KALRN: variants seen among roughly 807,000 people sequenced by gnomAD.
KALRN encodes kalirin RhoGEF kinase, also known as kalirin.
Under a neutral mutation model 353.7 loss-of-function variants are expected in KALRN, and 70 were observed. That is an observed-to-expected ratio of 0.20 (90% CI 0.16 to 0.24). The LOEUF (loss-of-function observed/expected upper bound fraction) is 0.24. Among genes scored for constraint, KALRN ranks in the 10% least tolerant of loss-of-function variants. The probability of loss-of-function intolerance (pLI) is 1.00; values close to 1 mark genes in which losing one functional copy is unlikely to be tolerated. For missense variants in KALRN, 2,791 were observed against 3,756.7 expected (o/e 0.74, Z 6.72); for synonymous variants, 1,391 against 1,434.8 (o/e 0.97, Z 0.69).
chr3:124,717,392 A>C lies in KALRN; in HGVS notation c.8415+7A>C. 1 of 1,587,280 alleles carries C rather than the reference A, an allele frequency of 6.3e-7. No individual in the cohort carries two copies. Among genetic ancestry groups the C allele is most frequent in the Non-Finnish European group, 8.6e-7 (1 of 1,166,370 alleles). On this transcript the variant is annotated splice_region_variant and intron_variant, in intron 59 of 59. Coordinates refer to ENST00000682506, the MANE Select transcript of KALRN (RefSeq NM_001388419.1). Reference sequence around the variant, plus strand: ...TGCACATTTGGACATAAAGGTAATAAGAAGTGGCAACCTGCTGGGCGCAGT... The same window carrying C: ...TGCACATTTGGACATAAAGGTAATACGAAGTGGCAACCTGCTGGGCGCAGT...
At chr3:124,246,153 C>A (rs1013284615) in intron 3 of KALRN, among the ~76,000 whole-genome samples, 2 of 152,202 alleles carry the variant, frequency 1.3e-5, no homozygotes, top group African/African-American at 4.8e-5. Flanking sequence ...TTTTGAGAAA[C>A]CTCCGTACTG....
chr3:124,446,979 A>C, intron 21 of KALRN, 94 bp downstream of exon 21: 1 of 1,446,198 alleles, frequency 6.9e-7, no homozygotes, highest in Admixed American at 2.0e-5. Context: ...TTCTGTAAGC[A>C]AAAATACCTG....
At position 124,699,864 on chromosome 3, in the gene KALRN, A is replaced by T; in HGVS notation, c.7832-5A>T. The T allele has an allele frequency of 1.2e-6, 2 of 1,614,012 alleles. No homozygotes were observed. Among genetic ancestry groups the T allele is most frequent in the Non-Finnish European group, 1.7e-6 (2 of 1,179,950 alleles). On this transcript the variant is annotated splice_region_variant and splice_polypyrimidine_tract_variant and intron_variant, in intron 55 of 59. Transcript: ENST00000682506. ...CTTTCCCTCTCCTGGGAAACTGTAC[A>T]CTAGGTTCTCAGATCTGGCAGCAGT... is the stretch of plus-strand genomic sequence containing the variant.
intron 4 of KALRN, among the ~76,000 whole-genome samples, chr3:124,268,207 G>A (rs1381303748): frequency 6.6e-6 from 1 of 152,172 alleles, no homozygotes; most frequent in East Asian, 1.9e-4. Flanking sequence ...AGACTCCCCT[G>A]TTGCCCATCC....
chr3:124,608,020 T>C (rs2077535435), intron 34 of KALRN, among the ~76,000 whole-genome samples: 1 of 151,756 alleles, frequency 6.6e-6, no homozygotes, highest in Non-Finnish European at 1.5e-5. Flanking sequence ...ATTTTTTTTT[T>C]TTTTTTAGGA....
At chr3:124,571,066 AT>A (rs1436339945) in intron 34 of KALRN, among the ~76,000 whole-genome samples, 3 of 152,066 alleles carry the variant, frequency 2.0e-5, no homozygotes, top group Non-Finnish European at 2.9e-5. Flanking sequence ...GTCTCCTTCT[AT>A]TCTCCCCCGT....
chr3:124,057,438 A>G (rs1389766080), intron 1 of KALRN, among the ~76,000 whole-genome samples: 1 of 152,214 alleles, frequency 6.6e-6, no homozygotes, highest in Non-Finnish European at 1.5e-5. Context: ...GATAAAGGCC[A>G]AGAAGATAAA....
intron 27 of KALRN, among the ~76,000 whole-genome samples, chr3:124,482,273 T>C (rs959419593): frequency 1.3e-5 from 2 of 152,234 alleles, no homozygotes; most frequent in Non-Finnish European, 2.9e-5. Context: ...AATAAAGTGA[T>C]GACCCTAAGT....
chr3:124,246,946 T>C (rs77859770), intron 3 of KALRN, among the ~76,000 whole-genome samples: 1,748 of 152,328 alleles, frequency 0.011, 34 homozygotes, highest in African/African-American at 0.04. Flanking sequence ...TTTTCAGTTA[T>C]GGGGATCCAG....
chr3:124,307,793 A>T (rs1483903523), intron 6 of KALRN, among the ~76,000 whole-genome samples: 1 of 152,020 alleles, frequency 6.6e-6, no homozygotes, highest in Non-Finnish European at 1.5e-5. Flanking sequence ...ATGTGAAAGG[A>T]TTCAATAATC....
At chr3:124,036,047 CTTTTTA>C (rs1046309832) in intron 1 of KALRN, among the ~76,000 whole-genome samples, 1 of 152,134 alleles carries the variant, frequency 6.6e-6, no homozygotes, top group African/African-American at 2.4e-5. Context: ...TCTTCTTCTT[CTTTTTA>C]TTTTTATTTT....
At chr3:124,461,021 G>A (rs537668070) in intron 23 of KALRN, among the ~76,000 whole-genome samples, 39 of 152,218 alleles carry the variant, frequency 2.6e-4, no homozygotes, top group African/African-American at 9.4e-4. Context: ...AAGTCCCATT[G>A]GAAATAGTAC....
At chr3:124,324,975 G>A (rs753143923) in intron 6 of KALRN, among the ~76,000 whole-genome samples, 2 of 152,160 alleles carry the variant, frequency 1.3e-5, no homozygotes, top group Admixed American at 6.5e-5. Context: ...AGCTCCCTGT[G>A]GATGCCACAA....
At chr3:124,116,226 G>A (rs558029267) in intron 1 of KALRN, among the ~76,000 whole-genome samples, 1 of 152,276 alleles carries the variant, frequency 6.6e-6, no homozygotes, top group South Asian at 2.1e-4. Context: ...CATTTTATTA[G>A]TCATGCAAGG....
intron 37 of KALRN, among the ~76,000 whole-genome samples, chr3:124,638,079 C>G (rs999229074): frequency 3.3e-5 from 5 of 152,204 alleles, no homozygotes; most frequent in African/African-American, 1.2e-4. Context: ...CTTTCACTCT[C>G]ATCCATATCA....
At chr3:124,716,038 G>A (rs1044273931) in intron 58 of KALRN, among the ~76,000 whole-genome samples, 3 of 151,898 alleles carry the variant, frequency 2.0e-5, no homozygotes, top group African/African-American at 7.3e-5. Flanking sequence ...TTTTGTTGCT[G>A]TTCTTATTCC....
At chr3:124,623,136 C>A (rs1308692193) in intron 34 of KALRN, among the ~76,000 whole-genome samples, 1 of 147,534 alleles carries the variant, frequency 6.8e-6, no homozygotes. Flanking sequence ...TTGTCTCTTT[C>A]TTTCTTTCCT....
intron 1 of KALRN, among the ~76,000 whole-genome samples, chr3:124,098,517 T>A (rs1398111223): frequency 2.0e-5 from 3 of 152,232 alleles, no homozygotes; most frequent in Non-Finnish European, 4.4e-5. Context: ...CTGTCCCTTG[T>A]GTTCTTTCAA....
intron 33 of KALRN, among the ~76,000 whole-genome samples, chr3:124,512,951 GCTGGGGTCCACCCT>G (rs2066110859): frequency 6.6e-6 from 1 of 152,140 alleles, no homozygotes; most frequent in African/African-American, 2.4e-5. Context: ...TCAGATAGTT[GCTGGGGTCCACCCT>G]CTGCATGAAC....
Sources: gnomAD v4.1 joint callset for allele counts (sites outside exome capture counted in the v4.1 genomes callset) on GRCh38, gnomAD v4.1.1 for gene constraint, MANE v1.5 for transcripts, NCBI Gene and HGNC (gene_info 2026-07-23, HGNC 2026-07-21) for gene names.